The following ROR2 variants were observed in gnomAD, a reference collection of about 807,000 sequenced individuals.
The protein encoded by ROR2 is ROR family WNT receptor 2.
A neutral mutation model predicts 74.9 loss-of-function variants in ROR2; 33 were observed. That is an observed-to-expected ratio of 0.44 (90% CI 0.33 to 0.59). The LOEUF (loss-of-function observed/expected upper bound fraction) is 0.59. ROR2 is among the 20% of genes least tolerant of loss of function. The pLI, the probability that ROR2 is intolerant of heterozygous loss-of-function variation, is 0.02. For synonymous variants in ROR2, 586 were observed against 558.7 expected (o/e 1.05, Z -0.69); for missense variants, 1,216 against 1,313.8 (o/e 0.93, Z 1.15).
chr9:91,929,613 G>A (rs750449808), intron 1 of ROR2, among the ~76,000 whole-genome samples: 2 of 152,118 alleles, frequency 1.3e-5, no homozygotes, highest in Non-Finnish European at 2.9e-5. Context: ...TTCAACTTAT[G>A]ACCCAAAGAC....
At chr9:91,748,669 G>A (rs1325667511) in intron 4 of ROR2, among the ~76,000 whole-genome samples, 1 of 152,204 alleles carries the variant, frequency 6.6e-6, no homozygotes, top group Admixed American at 6.5e-5. Context: ...CAGAATCAAT[G>A]AACCACCTGG....
At chr9:91,847,860 C>T (rs910415857) in intron 1 of ROR2, among the ~76,000 whole-genome samples, 4 of 152,250 alleles carry the variant, frequency 2.6e-5, no homozygotes, top group Admixed American at 1.3e-4. Context: ...GCAGGAAACA[C>T]CCACGCAGAC....
intron 2 of ROR2, among the ~76,000 whole-genome samples, chr9:91,773,923 C>T (rs1321723761): frequency 2.0e-5 from 3 of 152,180 alleles, no homozygotes; most frequent in Non-Finnish European, 4.4e-5. Context: ...TTGGCCACAA[C>T]TCAGAATTTT....
intron 4 of ROR2, among the ~76,000 whole-genome samples, chr9:91,748,588 C>T (rs1212762727): frequency 6.6e-6 from 1 of 152,108 alleles, no homozygotes; most frequent in African/African-American, 2.4e-5. Flanking sequence ...AAATTTAATG[C>T]CTTTCTCAAC....
chr9:91,807,145 G>A (rs1212278068), intron 1 of ROR2, among the ~76,000 whole-genome samples: 2 of 152,164 alleles, frequency 1.3e-5, no homozygotes, highest in South Asian at 2.1e-4. Flanking sequence ...TTGAACAGAC[G>A]GTCCTTGCTG....
chr9:91,928,491 G>A (rs927982899), intron 1 of ROR2, among the ~76,000 whole-genome samples: 7 of 152,212 alleles, frequency 4.6e-5, no homozygotes, highest in Non-Finnish European at 1.0e-4. Context: ...CCACTCTGAC[G>A]TGGGCTCACC....
At position 91,824,387 on chromosome 9, in the gene ROR2, G is replaced by A. The variant is rs1828222668; in HGVS notation, c.98-48569C>T. On this transcript the variant is annotated intron_variant, in intron 1 of 8. Transcript: ENST00000375708. ...GGGACTGCAGCATCAGCATCCCCTG[G>A]CACTTCATGTTCCCAGTGAAGTGGG... 7.2e-5 allele frequency among the ~76,000 whole-genome samples: 11 copies of A among 152,198 alleles called. No individual in the cohort carries two copies. The South Asian group carries it at 2.3e-3, about 32-fold the overall frequency.
chr9:91,736,908 C>G (rs943353181), intron 5 of ROR2, among the ~76,000 whole-genome samples: 1 of 152,184 alleles, frequency 6.6e-6, no homozygotes, highest in Admixed American at 6.5e-5. Flanking sequence ...AGCATCCCTA[C>G]CACTGATGAC....
Position 91,725,011 on chromosome 9 carries a change from G to A in ROR2, c.1483C>T (p.Pro495Ser), listed in dbSNP as rs1160467374. Residue 495 changes from proline to serine, a missense_variant, in exon 9 of 9, where the codon CCT becomes TCT. Transcript: ENST00000375708. ...GKVYKGHLFG[P>S]APGEQTQAVA... ...GCCTGGGTCTGCTCCCCCGGGGCAG[G>A]GCCGAACAGGTGACCTTTGTAGACT... 1.2e-6 allele frequency: 2 copies of A among 1,613,762 alleles called. No individual in the cohort carries two copies. Among genetic ancestry groups the A allele is most frequent in the East Asian group, 2.2e-5 (1 of 44,888 alleles).
chr9:91,753,088 C>A (rs1390231434), intron 4 of ROR2, among the ~76,000 whole-genome samples: 3 of 152,176 alleles, frequency 2.0e-5, no homozygotes, highest in Non-Finnish European at 4.4e-5. Flanking sequence ...TCTCACCAAA[C>A]TGACCTAAAA....
At chr9:91,897,570 G>C (rs1830566357) in intron 1 of ROR2, among the ~76,000 whole-genome samples, 1 of 151,554 alleles carries the variant, frequency 6.6e-6, no homozygotes, top group Non-Finnish European at 1.5e-5. Context: ...AAGTGGGTGG[G>C]GGGGTATTCC....
intron 1 of ROR2, among the ~76,000 whole-genome samples, chr9:91,903,945 G>C (rs1397331397): frequency 6.6e-6 from 1 of 152,088 alleles, no homozygotes. Context: ...AAGGAGAGTG[G>C]TTTTAGATAT....
intron 1 of ROR2, among the ~76,000 whole-genome samples, chr9:91,873,246 C>T (rs1325954387): frequency 2.0e-5 from 3 of 152,156 alleles, no homozygotes; most frequent in Admixed American, 6.5e-5. Flanking sequence ...CCATGTCCCA[C>T]TAGACTACTA....
chr9:91,770,205 C>G (rs16907754), intron 2 of ROR2, among the ~76,000 whole-genome samples: 14,760 of 152,286 alleles, frequency 0.097, 1,013 homozygotes, highest in East Asian at 0.26. Context: ...CCCTGTGCAT[C>G]CTTATTTGTG....
At chr9:91,752,085 G>T (rs1825610872) in intron 4 of ROR2, among the ~76,000 whole-genome samples, 1 of 152,192 alleles carries the variant, frequency 6.6e-6, no homozygotes, top group Admixed American at 6.5e-5. Context: ...CACTTAAAAA[G>T]GCTGACCACA....
At chr9:91,742,642 T>A (rs558734585) in intron 4 of ROR2, among the ~76,000 whole-genome samples, 8 of 152,220 alleles carry the variant, frequency 5.3e-5, no homozygotes, top group African/African-American at 1.9e-4. Flanking sequence ...AGCTGAAAAA[T>A]CCTCATCGCC....
chr9:91,921,883 A>C (rs1831274314), intron 1 of ROR2, among the ~76,000 whole-genome samples: 1 of 151,584 alleles, frequency 6.6e-6, no homozygotes, highest in Non-Finnish European at 1.5e-5. Flanking sequence ...AAGTAAATGA[A>C]ACTCTAACAA....
chr9:91,892,686 T>C (rs1252418251), intron 1 of ROR2, among the ~76,000 whole-genome samples: 1 of 149,190 alleles, frequency 6.7e-6, no homozygotes, highest in African/African-American at 2.5e-5. Context: ...ACCTCCCGGG[T>C]TCAAGCAATT....
intron 1 of ROR2, among the ~76,000 whole-genome samples, chr9:91,871,945 C>T (rs1266490903): frequency 6.6e-6 from 1 of 152,160 alleles, no homozygotes; most frequent in African/African-American, 2.4e-5. Context: ...CAGCATCTTA[C>T]CGCAGCCAGC....
Sources: gnomAD v4.1 joint callset for allele counts (sites outside exome capture counted in the v4.1 genomes callset) on GRCh38, gnomAD v4.1.1 for gene constraint, MANE v1.5 for transcripts, NCBI Gene and HGNC (gene_info 2026-07-23, HGNC 2026-07-21) for gene names.